Variants in CTXND1 observed in about 807,000 individuals in gnomAD.
CTXND1 encodes cortexin domain containing 1.
At chr15:80,211,988 C>A (rs1173228215) in intron 1 of CTXND1, among the ~76,000 whole-genome samples, 1 of 152,146 alleles carries the variant, frequency 6.6e-6, no homozygotes, top group Non-Finnish European at 1.5e-5. Context: ...GCTGCTTCAC[C>A]CATGTGTATA....
intron 1 of CTXND1, among the ~76,000 whole-genome samples, chr15:80,236,061 T>C (rs2028121): frequency 0.17 from 24,663 of 147,704 alleles, 2,474 homozygotes; most frequent in East Asian, 0.37. Context: ...TTTCCCAAAA[T>C]AATGCTTGAT....
At chr15:80,214,995 ACT>A in intron 1 of CTXND1, among the ~76,000 whole-genome samples, 1 of 152,230 alleles carries the variant, frequency 6.6e-6, no homozygotes, top group South Asian at 2.1e-4. Context: ...TACTATGAAA[ACT>A]CTGCCATTAC....
intron 1 of CTXND1, among the ~76,000 whole-genome samples, chr15:80,232,039 G>T (rs1893437662): frequency 1.3e-5 from 2 of 152,190 alleles, no homozygotes; most frequent in Non-Finnish European, 2.9e-5. Flanking sequence ...ATGGGGATCA[G>T]CCATGGTTCT....
Position 80,201,677 on chromosome 15 carries a change from T to C in CTXND1, c.*93A>G, listed in dbSNP as rs2041449755. On this transcript the variant is annotated 3_prime_UTR_variant, in exon 3 of 3. Transcript: ENST00000560778. ...GGTGGCCAGATTCATTCCTTGCCTC[T>C]GTGGGATGGCAGGCTGGCAGGGAAC... 2.8e-5 allele frequency: 11 copies of C among 397,968 alleles called. No homozygotes were observed. In the East Asian group the frequency reaches 3.9e-4, roughly 14 times the overall value. The allele number at this position is 397,968 out of a possible 1,614,324, so 24.7% of individuals were successfully genotyped here. A position where few individuals can be genotyped will look rare whatever the true frequency, so the allele number is the denominator to read the frequency against.
intron 1 of CTXND1, among the ~76,000 whole-genome samples, chr15:80,235,536 C>T (rs529653707): frequency 3.3e-5 from 5 of 152,084 alleles, no homozygotes; most frequent in African/African-American, 7.2e-5. Flanking sequence ...TGGCATAACG[C>T]GACTGTGGAA....
At chr15:80,223,812 C>CA (rs5814006) in intron 1 of CTXND1, among the ~76,000 whole-genome samples, 33,200 of 141,112 alleles carry the variant, frequency 0.24, 3,846 homozygotes, top group East Asian at 0.37. Flanking sequence ...GCTTTTTGGC[C>CA]AAAAAAAAAA....
chr15:80,209,779 C>G (rs1447666678), intron 1 of CTXND1, among the ~76,000 whole-genome samples: 1 of 152,126 alleles, frequency 6.6e-6, no homozygotes, highest in East Asian at 1.9e-4. Flanking sequence ...ATTTGTGTAC[C>G]ACACCAGGGC....
At chr15:80,209,288 C>T (rs542018768) in intron 1 of CTXND1, among the ~76,000 whole-genome samples, 1 of 152,366 alleles carries the variant, frequency 6.6e-6, no homozygotes, top group African/African-American at 2.4e-5. Flanking sequence ...TCCTATCCAA[C>T]TCTGCTTTGA....
At chr15:80,207,005 T>G (rs1452393668) in intron 1 of CTXND1, among the ~76,000 whole-genome samples, 3 of 152,238 alleles carry the variant, frequency 2.0e-5, no homozygotes, top group African/African-American at 7.2e-5. Context: ...TTGTCTCCCT[T>G]GAAGGGAATG....
intron 1 of CTXND1, among the ~76,000 whole-genome samples, chr15:80,215,514 G>A (rs960193304): frequency 2.6e-5 from 4 of 152,186 alleles, no homozygotes; most frequent in African/African-American, 9.7e-5. Context: ...TGATTAGGAA[G>A]TCTATTCCAG....
Position 80,198,146 on chromosome 15 carries a change from T to C in CTXND1, c.*3624A>G, listed in dbSNP as rs1480208095. On this transcript the variant is annotated 3_prime_UTR_variant, in exon 3 of 3. Transcript: ENST00000560778. ...CCCTTCCAGATTGTATTTCCCTAAG[T>C]GACCCACCACCGAGGTGTCTTCATT... 1 of 152,174 alleles carries C rather than the reference T, an allele frequency of 6.6e-6. No individual in the cohort carries two copies. The highest frequency in any genetic ancestry group is 2.4e-5 in the African/African-American group (1 of 41,438). The allele number at this position is 152,174 out of a possible 1,614,324, so 9.4% of individuals were successfully genotyped here.
chr15:80,221,821 T>C (rs1893322711), intron 1 of CTXND1, among the ~76,000 whole-genome samples: 1 of 152,236 alleles, frequency 6.6e-6, no homozygotes, highest in Non-Finnish European at 1.5e-5. Context: ...TAACTGCTAT[T>C]CATTTCTATG....
chr15:80,233,457 A>G (rs955222767), intron 1 of CTXND1, among the ~76,000 whole-genome samples: 2 of 151,970 alleles, frequency 1.3e-5, no homozygotes, highest in African/African-American at 4.8e-5. Context: ...CAAGCCTCCA[A>G]TCTGGCTGCT....
At chr15:80,237,413 G>A (rs1893515022) in intron 1 of CTXND1, among the ~76,000 whole-genome samples, 1 of 151,536 alleles carries the variant, frequency 6.6e-6, no homozygotes, top group Admixed American at 6.6e-5. Context: ...CCTTCAGGAA[G>A]TATTCCAGAA....
intron 1 of CTXND1, among the ~76,000 whole-genome samples, chr15:80,233,059 A>G (rs1893449744): frequency 6.7e-6 from 1 of 148,964 alleles, no homozygotes; most frequent in African/African-American, 2.5e-5. Flanking sequence ...TCTCTGCCTC[A>G]GCCTCCTGAG....
intron 1 of CTXND1, among the ~76,000 whole-genome samples, chr15:80,204,236 A>G (rs184326816): frequency 0.013 from 1,916 of 145,738 alleles, 48 homozygotes; most frequent in African/African-American, 0.046. Flanking sequence ...ACACATATAT[A>G]TTTATAAACT....
rs942400804 is a variant in CTXND1, at chr15:80,245,350, C to T, written c.-218+6657G>A. Among the ~76,000 whole-genome samples the T allele has an allele frequency of 2.0e-5, 3 of 152,140 alleles. No homozygotes were observed. In the East Asian group the frequency reaches 5.8e-4, roughly 29 times the overall value. On this transcript the variant is annotated intron_variant, in intron 1 of 2. Coordinates refer to ENST00000560778, the MANE Select transcript of CTXND1 (RefSeq NM_001352888.2). ...TGTTCCCGAAGAGACAGTTCTGGTT[C>T]TTTATTCATAAATCACTAACAATCA...
chr15:80,204,169 AATATAT>A lies in CTXND1; in HGVS notation c.-217-435_-217-430del, dbSNP rs1282033532. ...CTCAAAAAAAAAAAAAAAAAAAAAAAATATATATATATATATATATATATATATATA... is the reference window on the plus strand; with the variant it reads ...CTCAAAAAAAAAAAAAAAAAAAAAAAATATATATATATATATATATATATA... On this transcript the variant is annotated intron_variant, in intron 1 of 2. Coordinates refer to ENST00000560778, the MANE Select transcript of CTXND1 (RefSeq NM_001352888.2). Among the ~76,000 whole-genome samples the A allele has an allele frequency of 8.5e-3, 550 of 64,966 alleles. 17 individuals carry two copies. The highest frequency in any genetic ancestry group is 0.019 in the East Asian group (36 of 1,856). 42.6% of individuals were successfully genotyped at this position (64,966 alleles called of 152,430 possible).
At chr15:80,229,719 C>T (rs1490499252) in intron 1 of CTXND1, among the ~76,000 whole-genome samples, 3 of 152,170 alleles carry the variant, frequency 2.0e-5, no homozygotes, top group Non-Finnish European at 4.4e-5. Flanking sequence ...ATGGTCCTTG[C>T]TAGTCAAAAG....
Sources: allele counts gnomAD v4.1 joint callset (sites outside exome capture counted in the v4.1 genomes callset), GRCh38; gene constraint gnomAD v4.1.1; transcripts MANE v1.5; gene names NCBI Gene and HGNC (gene_info 2026-07-23, HGNC 2026-07-21).